COL24A1: variants seen among roughly 807,000 people sequenced by gnomAD.
COL24A1 encodes the protein collagen alpha-1(XXIV) chain.
Under a neutral mutation model 253.9 loss-of-function variants are expected in COL24A1, and 224 were observed. The ratio of observed to expected loss-of-function variants is 0.88; its 90% confidence interval spans 0.79 to 0.99. The LOEUF (loss-of-function observed/expected upper bound fraction) is 0.99, where lower values mean the gene tolerates loss of function less well. Among genes scored for constraint, COL24A1 ranks in the 50% least tolerant of loss-of-function variants. COL24A1 has a pLI of 0.00. For missense variants in COL24A1, 2,131 were observed against 2,068.5 expected (o/e 1.03, Z -0.59); for synonymous variants, 685 against 673.7 (o/e 1.02, Z -0.26).
intron 24 of COL24A1, among the ~76,000 whole-genome samples, chr1:85,956,734 C>T (rs1456992588): frequency 6.6e-6 from 1 of 152,098 alleles, no homozygotes; most frequent in Non-Finnish European, 1.5e-5. Context: ...GAAAATGACC[C>T]TAGAAGTCCC....
intron 3 of COL24A1, 100 bp downstream of exon 3, chr1:86,124,745 T>C (rs189214938): frequency 3.5e-6 from 3 of 847,790 alleles, no homozygotes; most frequent in East Asian, 2.8e-5. Flanking sequence ...TTATCTGTTA[T>C]GTATTGTTTG....
At position 85,860,255 on chromosome 1, in the gene COL24A1, G is replaced by T. The variant is rs370348453; in HGVS notation, c.3300+8264C>A. Among the ~76,000 whole-genome samples the T allele has an allele frequency of 7.9e-5, 12 of 152,190 alleles. No homozygotes were observed. In the East Asian group the frequency reaches 1.7e-3, roughly 22 times the overall value. On this transcript the variant is annotated intron_variant, in intron 37 of 59. Coordinates refer to ENST00000370571, the MANE Select transcript of COL24A1 (RefSeq NM_152890.7). The stretch of plus-strand genomic sequence containing the variant: ...GCCCATTTAATGTGTACAATTAGAT[G>T]ATTTTTAGTATATTCACATAGTTGT...
At chr1:85,972,762 G>C (rs1226864935) in intron 20 of COL24A1, among the ~76,000 whole-genome samples, 8 of 152,172 alleles carry the variant, frequency 5.3e-5, no homozygotes, top group Non-Finnish European at 1.2e-4. Context: ...GAATGAGTAA[G>C]GGACCCAATT....
intron 24 of COL24A1, among the ~76,000 whole-genome samples, chr1:85,948,405 T>C (rs1385698022): frequency 1.3e-5 from 2 of 149,730 alleles, no homozygotes; most frequent in African/African-American, 4.9e-5. Flanking sequence ...GCGCCTGTAG[T>C]CCCAGCTACT....
intron 19 of COL24A1, among the ~76,000 whole-genome samples, chr1:86,008,436 G>A (rs982195326): frequency 1.3e-5 from 2 of 151,858 alleles, no homozygotes; most frequent in African/African-American, 4.8e-5. Context: ...TTGTAGAGAT[G>A]GTGTTTTGCC....
Position 85,783,487 on chromosome 1 carries a change from T to C in COL24A1, c.4284+9A>G. 1 of 1,612,716 alleles carries C rather than the reference T, an allele frequency of 6.2e-7. No individual in the cohort carries two copies. Among genetic ancestry groups the C allele is most frequent in the Non-Finnish European group, 8.5e-7 (1 of 1,179,016 alleles). On this transcript the variant is annotated intron_variant, in intron 51 of 59. Transcript: ENST00000370571. ...CAATTTCTGGTAGGCAGAATGACTT[T>C]ACACTTACTCTGTGTCCAATAGGAC... is the stretch of plus-strand genomic sequence containing the variant.
chr1:85,784,090 T>C, intron 50 of COL24A1, 23 bp downstream of exon 50: 1 of 1,582,670 alleles, frequency 6.3e-7, no homozygotes, highest in Non-Finnish European at 8.6e-7. Flanking sequence ...GCTAGAAGAC[T>C]AGAAGAAAGT....
intron 24 of COL24A1, among the ~76,000 whole-genome samples, chr1:85,943,902 A>G (rs138437623): frequency 1.3e-5 from 2 of 152,246 alleles, no homozygotes; most frequent in Non-Finnish European, 2.9e-5. Context: ...AAAGACTTTT[A>G]GAAAGTTCTA....
chr1:85,783,670 G>T, intron 50 of COL24A1, 112 bp from the exon 51 acceptor site: 1 of 935,260 alleles, frequency 1.1e-6, no homozygotes, highest in Non-Finnish European at 1.7e-6. Flanking sequence ...ATATAATACT[G>T]TTGTGCATGC....
chr1:85,739,525 G>A (rs1664388612), intron 57 of COL24A1, among the ~76,000 whole-genome samples: 1 of 152,148 alleles, frequency 6.6e-6, no homozygotes, highest in Admixed American at 6.5e-5. Context: ...CTTGCTCTTT[G>A]TTGCTACTTA....
chr1:85,849,300 T>A, intron 38 of COL24A1, 53 bp downstream of exon 38: 1 of 1,396,534 alleles, frequency 7.2e-7, no homozygotes, highest in Non-Finnish European at 1.0e-6. Context: ...GTCTATGGAG[T>A]TCTGGGCACA....
chr1:86,083,417 T>C (rs533093684), intron 7 of COL24A1, among the ~76,000 whole-genome samples: 1 of 151,950 alleles, frequency 6.6e-6, no homozygotes, highest in South Asian at 2.1e-4. Flanking sequence ...ATTTACATAA[T>C]AGTGGTTTGC....
At chr1:86,091,290 CAAAAT>C (rs1035028130) in intron 6 of COL24A1, among the ~76,000 whole-genome samples, 3 of 151,554 alleles carry the variant, frequency 2.0e-5, no homozygotes, top group Non-Finnish European at 4.4e-5. Flanking sequence ...AATTTAAAAA[CAAAAT>C]AAAATAATTT....
At chr1:86,115,096 A>G (rs1286170311) in intron 4 of COL24A1, among the ~76,000 whole-genome samples, 2 of 152,218 alleles carry the variant, frequency 1.3e-5, no homozygotes, top group Non-Finnish European at 2.9e-5. Flanking sequence ...TACACATTTG[A>G]TCATCTTTGT....
chr1:85,796,401 T>A (rs888467901), intron 47 of COL24A1, among the ~76,000 whole-genome samples: 7 of 152,222 alleles, frequency 4.6e-5, no homozygotes, highest in Non-Finnish European at 1.0e-4. Flanking sequence ...GGTCTTGACA[T>A]CCAATCACAG....
intron 47 of COL24A1, among the ~76,000 whole-genome samples, chr1:85,799,493 G>C (rs918920650): frequency 2.9e-4 from 44 of 151,024 alleles, no homozygotes; most frequent in African/African-American, 1.0e-3. Flanking sequence ...CTCTTAAGTA[G>C]TTTTTCTATT....
At chr1:86,024,354 A>G (rs1484695437) in intron 14 of COL24A1, among the ~76,000 whole-genome samples, 2 of 152,072 alleles carry the variant, frequency 1.3e-5, no homozygotes, top group Admixed American at 6.6e-5. Context: ...CCCAGACCCA[A>G]CATAATAACT....
intron 5 of COL24A1, among the ~76,000 whole-genome samples, chr1:86,105,490 T>C (rs1704887389): frequency 6.6e-6 from 1 of 152,076 alleles, no homozygotes; most frequent in African/African-American, 2.4e-5. Flanking sequence ...AGTCCAGCAT[T>C]GGGTGCCCTG....
Position 85,868,812 on chromosome 1 carries a change from T to C in COL24A1, c.3162A>G (p.Glu1054=). The C allele has an allele frequency of 6.3e-7, 1 of 1,590,896 alleles. No homozygotes were observed. Among genetic ancestry groups the C allele is most frequent in the Non-Finnish European group, 8.5e-7 (1 of 1,169,804 alleles). Residue 1054 remains glutamate (E), a synonymous_variant, in exon 36 of 60, where the codon GAA becomes GAG. Coordinates refer to ENST00000370571, the MANE Select transcript of COL24A1 (RefSeq NM_152890.7). ...GLRGEPGAPG[E]EGLQGKDGLK... ...ACCCATCTTTTCCCTGGAGACCTTCTTCTCCAGGAGCTCCTGGTTCACCCT... is the reference window on the plus strand; with the variant it reads ...ACCCATCTTTTCCCTGGAGACCTTCCTCTCCAGGAGCTCCTGGTTCACCCT...
Sources: allele counts gnomAD v4.1 joint callset (sites outside exome capture counted in the v4.1 genomes callset), GRCh38; gene constraint gnomAD v4.1.1; transcripts MANE v1.5; gene names NCBI Gene and HGNC (gene_info 2026-07-23, HGNC 2026-07-21).